Variants in PXYLP1 observed in about 807,000 individuals in gnomAD.
PXYLP1 encodes 2-phosphoxylose phosphatase 1, also known as acid phosphatase-like 2.
A neutral mutation model predicts 37.9 loss-of-function variants in PXYLP1; 17 were observed. That is an observed-to-expected ratio of 0.45 (90% confidence interval 0.31 to 0.67). The LOEUF is 0.67. Among genes scored for constraint, PXYLP1 ranks in the 30% least tolerant of loss-of-function variants. The pLI, the probability that PXYLP1 is intolerant of heterozygous loss-of-function variation, is 0.07. For synonymous variants in PXYLP1, 221 were observed against 232.2 expected (o/e 0.95, Z 0.44); for missense variants, 511 against 612.0 (o/e 0.84, Z 1.74).
intron 1 of PXYLP1, among the ~76,000 whole-genome samples, chr3:141,246,761 C>T (rs1940969044): frequency 6.6e-6 from 1 of 152,222 alleles, no homozygotes; most frequent in Non-Finnish European, 1.5e-5. Context: ...AGTGTTGCCA[C>T]ATAGTAAATC....
At position 141,249,535 on chromosome 3, in the gene PXYLP1, C is replaced by T. The variant is rs1185409146; in HGVS notation, c.-53-10588C>T. Among the ~76,000 whole-genome samples, 49 of 148,020 alleles carry T rather than the reference C, an allele frequency of 3.3e-4. No homozygotes were observed. In the Admixed American group the frequency reaches 3.3e-3, roughly 10 times the overall value. On this transcript the variant is annotated intron_variant, in intron 1 of 5. Transcript: ENST00000286353. ...TATCATTCAAGCCTTGATATTATGC[C>T]ACTTGTACTTCCAGTCTTGCAGCCT...
chr3:141,255,628 A>G (rs9289627), intron 1 of PXYLP1, among the ~76,000 whole-genome samples: 121,013 of 152,220 alleles, frequency 0.79, 48,358 homozygotes, highest in South Asian at 0.88. Flanking sequence ...CGCCTGGCAT[A>G]GCTTGTATGA....
In PXYLP1 at chr3:141,258,690, G is replaced by A. The variant is rs562879283; in HGVS notation, c.-53-1433G>A. ...CGCGGCTATCCAGGAAACGTAATGA[G>A]GATGAAGTTTCAACAAACAAGCTCT... is the stretch of plus-strand genomic sequence containing the variant. On this transcript the variant is annotated intron_variant, in intron 1 of 5. Transcript: ENST00000286353. 5.4e-5 allele frequency: 9 copies of A among 167,464 alleles called. No individual in the cohort carries two copies. In the South Asian group the frequency reaches 9.9e-4, roughly 18 times the overall value. 10.4% of individuals were successfully genotyped at this position (167,464 alleles called of 1,614,324 possible). A position where few individuals can be genotyped will look rare whatever the true frequency, so the allele number is the denominator to read the frequency against.
At chr3:141,269,116 G>A (rs561349097) in intron 2 of PXYLP1, among the ~76,000 whole-genome samples, 33 of 152,356 alleles carry the variant, frequency 2.2e-4, no homozygotes, top group Non-Finnish European at 3.7e-4. Flanking sequence ...CCCCTCGCCT[G>A]TCTGGCTATG....
chr3:141,233,601 T>A (rs1940587438), intron 1 of PXYLP1, among the ~76,000 whole-genome samples: 1 of 152,078 alleles, frequency 6.6e-6, no homozygotes, highest in African/African-American at 2.4e-5. Context: ...ATTAATTGCT[T>A]ATCTCAGAGA....
intron 2 of PXYLP1, among the ~76,000 whole-genome samples, chr3:141,267,870 T>TCTCTCCCTCTCTCC (rs1553753311): frequency 3.5e-4 from 52 of 149,872 alleles, no homozygotes; most frequent in Non-Finnish European, 5.9e-4. Context: ...TCCCTCTCTG[T>TCTCTCCCTCTCTCC]CTCTCTCCCT....
At chr3:141,252,841 G>C (rs932633585) in intron 1 of PXYLP1, among the ~76,000 whole-genome samples, 5 of 152,198 alleles carry the variant, frequency 3.3e-5, no homozygotes, top group African/African-American at 1.2e-4. Context: ...GAGACCCCCA[G>C]GTGAGAGAGG....
Position 141,292,271 on chromosome 3 carries a change from T to G in PXYLP1, c.509T>G (p.Val170Gly), listed in dbSNP as rs781616872. Residue 170 changes from valine to glycine, a missense_variant, in exon 6 of 6, where the codon GTT (valine) becomes GGT (glycine). Physicochemically the swap from Val to Gly is moderately radical, Grantham distance 109. Transcript: ENST00000286353. The surrounding 1 kb of genome is among the most constrained non-coding windows in gnomAD (Gnocchi z 4.3). Reference sequence around the variant, plus strand: ...GCTTTGTGTGCTTGTGTTTCAGGAGTTGTGCAGCATTTGCAGAACGGTCAG... The same window carrying G: ...GCTTTGTGTGCTTGTGTTTCAGGAGGTGTGCAGCATTTGCAGAACGGTCAG... ...CEMGELTQTG[V>G]VQHLQNGQLL... The G allele has an allele frequency of 3.8e-6, 6 of 1,581,210 alleles. No homozygotes were observed. The South Asian group carries it at 7.0e-5, about 18-fold the overall frequency.
intron 1 of PXYLP1, among the ~76,000 whole-genome samples, chr3:141,247,914 T>A (rs113686692): frequency 6.6e-5 from 10 of 152,336 alleles, no homozygotes; most frequent in African/African-American, 2.4e-4. Flanking sequence ...GTCAACCACT[T>A]TGGCTCCCAA....
rs78513154 is a variant in PXYLP1 at position 141,293,159 on chromosome 3, G to A, written c.1397G>A (p.Gly466Asp). ...AGGGACATGTTTGTAGCCCTGGGTG[G>A]CAGTGGTACAAATTATTATGATGCA... ...VKRDMFVALGGSGTNYYDACH... is the reference protein window; with the variant it reads ...VKRDMFVALGDSGTNYYDACH... Residue 466 changes from glycine (G) to aspartate (D), a missense_variant, in exon 6 of 6, where the codon GGC (glycine) becomes GAC (aspartate). Coordinates refer to ENST00000286353, the MANE Select transcript of PXYLP1 (RefSeq NM_001037172.3). 1 of 1,614,052 alleles carries A rather than the reference G, an allele frequency of 6.2e-7. No homozygotes were observed. Among genetic ancestry groups the A allele is most frequent in the Non-Finnish European group, 8.5e-7 (1 of 1,180,032 alleles).
At chr3:141,256,502 A>G (rs753269598) in intron 1 of PXYLP1, among the ~76,000 whole-genome samples, 3 of 152,210 alleles carry the variant, frequency 2.0e-5, no homozygotes, top group Non-Finnish European at 4.4e-5. Context: ...CATGTTGGAC[A>G]CAGGCACGTG....
chr3:141,253,277 C>T (rs1456175545), intron 1 of PXYLP1, among the ~76,000 whole-genome samples: 1 of 152,128 alleles, frequency 6.6e-6, no homozygotes, highest in African/African-American at 2.4e-5. Context: ...CAAGCCCATC[C>T]CTTGGAGAAG....
chr3:141,262,787 A>G, intron 2 of PXYLP1: 1 of 1,205,530 alleles, frequency 8.3e-7, no homozygotes, highest in East Asian at 2.5e-5. Context: ...CCATTTATTT[A>G]ATTGCTTTAT....
rs1389461917 is a variant in PXYLP1, at chr3:141,287,466, C to T, written c.505+13C>T. On this transcript the variant is annotated intron_variant, in intron 5 of 5. Coordinates refer to ENST00000286353, the MANE Select transcript of PXYLP1 (RefSeq NM_001037172.3). ...CTCACACAGACAGGTATGTGTGACC[C>T]CCATGCGCTCAGGGGTTCCCCCACC... 6.2e-7 allele frequency: 1 copy of T among 1,611,010 alleles called. No individual in the cohort carries two copies. The highest frequency in any genetic ancestry group is 8.5e-7 in the Non-Finnish European group (1 of 1,178,194).
At chr3:141,248,030 T>G (rs988462211) in intron 1 of PXYLP1, among the ~76,000 whole-genome samples, 1 of 149,088 alleles carries the variant, frequency 6.7e-6, no homozygotes. Context: ...TTTGTTTTTT[T>G]TTTTTTTTTT....
In PXYLP1 at chr3:141,278,492, G is replaced by A; in HGVS notation, c.230G>A (p.Ser77Asn). The A allele has an allele frequency of 1.2e-6, 2 of 1,614,196 alleles. No individual in the cohort carries two copies. Among genetic ancestry groups the A allele is most frequent in the South Asian group, 2.2e-5 (2 of 91,084 alleles). The change falls in exon 3 of 6, where the codon AGC becomes AAC. Residue 77 changes from serine to asparagine, a missense_variant. Ser to Asn is a conservative substitution (Grantham distance 46). Transcript: ENST00000286353. Reference sequence around the variant, plus strand: ...AACATCCCCAGCGTGGCCGAGCGCAGCATGGAAGGTAGGCCTGACTGTGCC... The same window carrying A: ...AACATCCCCAGCGTGGCCGAGCGCAACATGGAAGGTAGGCCTGACTGTGCC... ...YCNIPSVAER[S>N]MEGHAPHHFK...
At position 141,284,877 on chromosome 3, in the gene PXYLP1, T is replaced by C. The variant is rs140138781; in HGVS notation, c.366-2437T>C. On this transcript the variant is annotated intron_variant, in intron 4 of 5. Transcript: ENST00000286353. ...TTTTAACAAACCGTATGGGAACTTATCGTATTCATTTCTACAGATTATGGA... is the reference window on the plus strand; with the variant it reads ...TTTTAACAAACCGTATGGGAACTTACCGTATTCATTTCTACAGATTATGGA... Among the ~76,000 whole-genome samples the C allele has an allele frequency of 2.9e-3, 444 of 152,332 alleles. 3 individuals carry two copies. The highest frequency in any genetic ancestry group is 0.01 in the African/African-American group (425 of 41,562).
rs1347849615 is a variant in PXYLP1 at position 141,294,844 on chromosome 3, A to G, written c.*1639A>G. On this transcript the variant is annotated 3_prime_UTR_variant, in exon 6 of 6. Coordinates refer to ENST00000286353, the MANE Select transcript of PXYLP1 (RefSeq NM_001037172.3). ...TGTGTTTTCTTTCCTTCCCACTCAC[A>G]ATATATCTGAATTAGAACTGCTAAA... 1.3e-5 allele frequency: 2 copies of G among 152,232 alleles called. No individual in the cohort carries two copies. The highest frequency in any genetic ancestry group is 1.9e-4 in the East Asian group (1 of 5,202). The allele number at this position is 152,232 out of a possible 1,614,324, so 9.4% of individuals were successfully genotyped here.
chr3:141,267,211 A>G (rs1020502531), intron 2 of PXYLP1: 1 of 152,216 alleles, frequency 6.6e-6, no homozygotes, highest in Non-Finnish European at 1.5e-5. Context: ...GTGTACGTTC[A>G]GTGGAGAAAA....
Sources: allele counts gnomAD v4.1 joint callset (sites outside exome capture counted in the v4.1 genomes callset), GRCh38; gene constraint gnomAD v4.1.1; non-coding constraint Gnocchi (gnomAD v3.1); transcripts MANE v1.5; gene names NCBI Gene and HGNC (gene_info 2026-07-23, HGNC 2026-07-21).